PPARGC1B: variants seen among roughly 807,000 people sequenced by gnomAD.
The protein encoded by PPARGC1B is PPARG coactivator 1 beta.
Under a neutral mutation model 101.6 loss-of-function variants are expected in PPARGC1B, and 34 were observed. The ratio of observed to expected loss-of-function variants is 0.33; its 90% CI spans 0.25 to 0.45. The LOEUF (loss-of-function observed/expected upper bound fraction) is 0.45. Among genes scored for constraint, PPARGC1B ranks in the 20% least tolerant of loss-of-function variants. PPARGC1B has a pLI of 1.00. For synonymous variants in PPARGC1B, 548 were observed against 539.3 expected (o/e 1.02, Z -0.22); for missense variants, 1,234 against 1,317.6 (o/e 0.94, Z 0.98).
chr5:149,820,472 C>G lies in PPARGC1B; in HGVS notation c.118C>G (p.Pro40Ala). The change falls in exon 2 of 12, where the codon CCA (proline) becomes GCA (alanine). Residue 40 changes from proline (P) to alanine (A), a missense_variant. Transcript: ENST00000309241. Reference sequence around the variant, plus strand: ...GGAGGAGCAACTCTATGCTGACTTTCCAGAACTTGACCTCTCCCAGCTGGA... The same window carrying G: ...GGAGGAGCAACTCTATGCTGACTTTGCAGAACTTGACCTCTCCCAGCTGGA... ...SGEEQLYADFPELDLSQLDAS... is the reference protein window; with the variant it reads ...SGEEQLYADFAELDLSQLDAS... 2 of 1,614,062 alleles carry G rather than the reference C, an allele frequency of 1.2e-6. No individual in the cohort carries two copies. The highest frequency in any genetic ancestry group is 8.5e-7 in the Non-Finnish European group (1 of 1,180,024).
intron 10 of PPARGC1B, 98 bp downstream of exon 10, chr5:149,842,475 G>T: frequency 6.6e-7 from 1 of 1,525,272 alleles, no homozygotes; most frequent in East Asian, 2.3e-5. Context: ...TTTGTGAAAT[G>T]AATCTGACAA....
At chr5:149,745,797 G>A (rs112768389) in intron 1 of PPARGC1B, among the ~76,000 whole-genome samples, 2 of 152,104 alleles carry the variant, frequency 1.3e-5, no homozygotes, top group East Asian at 1.9e-4. Flanking sequence ...TCAAATATTC[G>A]TCTTGGTCCC....
intron 1 of PPARGC1B, among the ~76,000 whole-genome samples, chr5:149,736,123 C>G (rs1277433956): frequency 6.6e-6 from 1 of 152,176 alleles, no homozygotes; most frequent in South Asian, 2.1e-4. Flanking sequence ...GCCTAGGCAA[C>G]AGAGTGAGAC....
chr5:149,740,490 G>T (rs1335184590), intron 1 of PPARGC1B, among the ~76,000 whole-genome samples: 1 of 152,114 alleles, frequency 6.6e-6, no homozygotes, highest in East Asian at 1.9e-4. Context: ...CTCTACTTGT[G>T]GGGCAGGTGA....
intron 1 of PPARGC1B, among the ~76,000 whole-genome samples, chr5:149,773,398 C>T (rs911310132): frequency 6.6e-6 from 1 of 152,248 alleles, no homozygotes; most frequent in African/African-American, 2.4e-5. Context: ...GCTGACCCTC[C>T]TCAGCCAGTG....
chr5:149,742,033 G>A (rs1193677087), intron 1 of PPARGC1B, among the ~76,000 whole-genome samples: 1 of 152,182 alleles, frequency 6.6e-6, no homozygotes, highest in Non-Finnish European at 1.5e-5. Context: ...TGATGATGGT[G>A]GTGGTGGTGA....
chr5:149,766,582 AG>A (rs34009573), intron 1 of PPARGC1B, among the ~76,000 whole-genome samples: 19,941 of 152,248 alleles, frequency 0.13, 2,427 homozygotes, highest in African/African-American at 0.33. Context: ...CCTCCTAGTA[AG>A]TAACCTCTCA....
At chr5:149,782,496 G>A (rs1248576820) in intron 1 of PPARGC1B, among the ~76,000 whole-genome samples, 2 of 152,206 alleles carry the variant, frequency 1.3e-5, no homozygotes, top group African/African-American at 4.8e-5. Context: ...AAGAAGGAAG[G>A]ATGTGGGCCG....
At position 149,836,779 on chromosome 5, in the gene PPARGC1B, T is replaced by G. The variant is rs1376014807; in HGVS notation, c.2324T>G (p.Leu775Arg). Residue 775 changes from leucine (L) to arginine (R), a missense_variant, in exon 8 of 12, where the codon CTG (leucine) becomes CGG (arginine). Physicochemically the swap from Leu to Arg is moderately radical, Grantham distance 102 (BLOSUM62 -2). Transcript: ENST00000309241. Reference protein sequence around the residue: ...TKHFGLLETALEEEDLASCKS... With the variant: ...TKHFGLLETAREEEDLASCKS... ...CACTTTGGGCTGCTGGAGACCGCCC[T>G]GGAGGAGGAAGACCTGGCCTCCTGC... 5 of 1,613,520 alleles carry G rather than the reference T, an allele frequency of 3.1e-6. No homozygotes were observed. Among genetic ancestry groups the G allele is most frequent in the Non-Finnish European group, 3.4e-6 (4 of 1,180,022 alleles).
intron 1 of PPARGC1B, among the ~76,000 whole-genome samples, chr5:149,818,402 G>A (rs982963571): frequency 3.3e-5 from 5 of 152,186 alleles, no homozygotes; most frequent in Non-Finnish European, 7.4e-5. Context: ...GGGCAGGGTG[G>A]TGGGGCCATG....
intron 1 of PPARGC1B, among the ~76,000 whole-genome samples, chr5:149,795,854 G>C (rs1017371873): frequency 2.0e-5 from 3 of 152,076 alleles, no homozygotes; most frequent in Non-Finnish European, 2.9e-5. Flanking sequence ...TTTGGAGTCA[G>C]ACTTCCCTTA....
rs1759912580 is a variant in PPARGC1B, at chr5:149,855,005, A to G, written c.*7447A>G. On this transcript the variant is annotated 3_prime_UTR_variant, in exon 12 of 12. Coordinates refer to ENST00000309241, the MANE Select transcript of PPARGC1B (RefSeq NM_133263.4). ...TAACAAATACACTATGGAGATTAAA[A>G]ACAAAATACCACCCACAGCTTTGCC... is the stretch of plus-strand genomic sequence containing the variant. 1 of 152,228 alleles carries G rather than the reference A, an allele frequency of 6.6e-6. No individual in the cohort carries two copies. The highest frequency in any genetic ancestry group is 6.5e-5 in the Admixed American group (1 of 15,282). The allele number at this position is 152,228 out of a possible 1,614,324, so 9.4% of individuals were successfully genotyped here.
chr5:149,741,485 G>T (rs1436401832), intron 1 of PPARGC1B, among the ~76,000 whole-genome samples: 3 of 152,212 alleles, frequency 2.0e-5, no homozygotes, highest in Non-Finnish European at 4.4e-5. Context: ...GACCCACCCT[G>T]CCTTTGCAGA....
intron 1 of PPARGC1B, among the ~76,000 whole-genome samples, chr5:149,756,377 A>C (rs368870531): frequency 6.6e-6 from 1 of 152,028 alleles, no homozygotes; most frequent in Non-Finnish European, 1.5e-5. Flanking sequence ...ACTTGAACCC[A>C]GGAGGCAGAG....
At chr5:149,805,660 G>A (rs1217216759) in intron 1 of PPARGC1B, among the ~76,000 whole-genome samples, 1 of 152,148 alleles carries the variant, frequency 6.6e-6, no homozygotes, top group East Asian at 1.9e-4. Context: ...GGCTGGTCTC[G>A]AACTCCTGAC....
chr5:149,851,768 T>G lies in PPARGC1B; in HGVS notation c.*4210T>G, dbSNP rs1759771763. ...AGGTACCGGGTAAATGGAGGGGAGC[T>G]GCAGAGTTGGAAACCCACATGCATG... On this transcript the variant is annotated 3_prime_UTR_variant, in exon 12 of 12. Coordinates refer to ENST00000309241, the MANE Select transcript of PPARGC1B (RefSeq NM_133263.4). The G allele has an allele frequency of 6.6e-6, 1 of 152,130 alleles. No homozygotes were observed. The highest frequency in any genetic ancestry group is 2.4e-5 in the African/African-American group (1 of 41,396). The allele number at this position is 152,130 out of a possible 1,614,324, so 9.4% of individuals were successfully genotyped here.
chr5:149,745,618 G>T (rs945054093), intron 1 of PPARGC1B, among the ~76,000 whole-genome samples: 1 of 152,156 alleles, frequency 6.6e-6, no homozygotes, highest in African/African-American at 2.4e-5. Flanking sequence ...CAGATCGAAA[G>T]CCTCTTTATA....
chr5:149,732,189 A>G (rs1014855211), intron 1 of PPARGC1B, among the ~76,000 whole-genome samples: 3 of 152,182 alleles, frequency 2.0e-5, no homozygotes, highest in Non-Finnish European at 4.4e-5. Context: ...TCTGCGCCGA[A>G]GGCAGGTCCC....
At chr5:149,820,149 A>C (rs952742137) in intron 1 of PPARGC1B, among the ~76,000 whole-genome samples, 1 of 152,200 alleles carries the variant, frequency 6.6e-6, no homozygotes, top group African/African-American at 2.4e-5. Flanking sequence ...TTTTCAACAA[A>C]ACAGTTCTGG....
Sources: allele counts gnomAD v4.1 joint callset (sites outside exome capture counted in the v4.1 genomes callset), GRCh38; gene constraint gnomAD v4.1.1; transcripts MANE v1.5; gene names NCBI Gene and HGNC (gene_info 2026-07-23, HGNC 2026-07-21).